The following B4GALT6 variants were observed in gnomAD, a reference collection of about 807,000 sequenced individuals.
B4GALT6 encodes beta-1,4-galactosyltransferase 6.
In B4GALT6, 14 loss-of-function variants were observed where a neutral mutation model predicts 46.3. The ratio of observed to expected loss-of-function variants is 0.30; its 90% CI spans 0.20 to 0.47. The LOEUF (loss-of-function observed/expected upper bound fraction) is 0.47, where lower values mean the gene tolerates loss of function less well. Ranked by LOEUF, B4GALT6 falls within the 20% of genes least tolerant of loss-of-function variation. The pLI is 0.99. For synonymous variants in B4GALT6, 168 were observed against 162.0 expected (o/e 1.04, Z -0.28); for missense variants, 386 against 480.1 (o/e 0.80, Z 1.83).
chr18:31,698,243 T>C, the B4GALT6 span, among the ~76,000 whole-genome samples: 1 of 152,360 alleles, frequency 6.6e-6, no homozygotes, highest in Non-Finnish European at 1.5e-5. Flanking sequence ...CTTTTGACCT[T>C]GTTTTGACCT....
At chr18:31,679,949 C>T (rs980116305) in intron 1 of B4GALT6, among the ~76,000 whole-genome samples, 2 of 152,188 alleles carry the variant, frequency 1.3e-5, no homozygotes, top group African/African-American at 2.4e-5. Context: ...TTGGCCATTG[C>T]CCCCTATAAC....
intron 3 of B4GALT6, among the ~76,000 whole-genome samples, chr18:31,653,007 T>C (rs1437160987): frequency 1.3e-5 from 2 of 151,904 alleles, no homozygotes; most frequent in Non-Finnish European, 2.9e-5. Flanking sequence ...GTGGTGTTTT[T>C]TGTTTATTTT....
the B4GALT6 span, among the ~76,000 whole-genome samples, chr18:31,714,229 T>C: frequency 1.3e-5 from 2 of 152,258 alleles, no homozygotes; most frequent in South Asian, 2.1e-4. Flanking sequence ...GCAACTATAA[T>C]GGACGATACA....
At chr18:31,654,864 T>C (rs1467248585) in intron 3 of B4GALT6, among the ~76,000 whole-genome samples, 1 of 152,230 alleles carries the variant, frequency 6.6e-6, no homozygotes, top group African/African-American at 2.4e-5. Flanking sequence ...TTGTTCTCTA[T>C]TATCAATGAA....
At chr18:31,682,326 G>A (rs1471342789) in intron 1 of B4GALT6, among the ~76,000 whole-genome samples, 1 of 152,138 alleles carries the variant, frequency 6.6e-6, no homozygotes, top group Non-Finnish European at 1.5e-5. Flanking sequence ...ATGGTACAGG[G>A]TTTTGGAAAC....
chr18:31,653,294 C>T (rs1275473178), intron 3 of B4GALT6, among the ~76,000 whole-genome samples: 1 of 152,100 alleles, frequency 6.6e-6, no homozygotes, highest in Admixed American at 6.5e-5. Context: ...TCCGGGAATA[C>T]ACAGAGCCTC....
intron 2 of B4GALT6, among the ~76,000 whole-genome samples, chr18:31,664,147 T>G (rs902568137): frequency 4.5e-5 from 4 of 88,356 alleles, no homozygotes; most frequent in Non-Finnish European, 7.2e-5. Context: ...TCCTTCCTAC[T>G]GACCCAAGTT....
chr18:31,703,714 T>C, the B4GALT6 span, among the ~76,000 whole-genome samples: 1 of 152,236 alleles, frequency 6.6e-6, no homozygotes, highest in Non-Finnish European at 1.5e-5. Flanking sequence ...GCTTTGAGCA[T>C]GTCTGGGGAG....
chr18:31,675,453 C>A (rs754579988), intron 1 of B4GALT6, among the ~76,000 whole-genome samples: 2 of 152,212 alleles, frequency 1.3e-5, no homozygotes, highest in African/African-American at 2.4e-5. Context: ...ATCATTAGTT[C>A]AGCCTACTTT....
chr18:31,652,438 C>T (rs1283755530), intron 3 of B4GALT6, among the ~76,000 whole-genome samples: 1 of 152,118 alleles, frequency 6.6e-6, no homozygotes, highest in African/African-American at 2.4e-5. Context: ...AGACACCACC[C>T]TCTGGCTTCT....
Position 31,631,091 on chromosome 18 carries a change from G to A in B4GALT6, c.644C>T (p.Ala215Val). 1 of 1,614,030 alleles carries A rather than the reference G, an allele frequency of 6.2e-7. No individual in the cohort carries two copies. Among genetic ancestry groups the A allele is most frequent in the Non-Finnish European group, 8.5e-7 (1 of 1,180,014 alleles). Residue 215 changes from alanine to valine, a missense_variant, in exon 6 of 9, where the codon GCC becomes GTC. Physicochemically the swap from Ala to Val is moderately conservative, Grantham distance 64. This residue lies in a region of B4GALT6 where 323 missense variants were observed against 438.9 expected (regional missense o/e 0.74). Coordinates refer to ENST00000306851, the MANE Select transcript of B4GALT6 (RefSeq NM_004775.5). Reference protein sequence around the residue: ...AMLFNVGFKEAMKDSVWDCVI... With the variant: ...AMLFNVGFKEVMKDSVWDCVI... ...ACAGTCCCAGACACTGTCTTTCATG[G>A]CCTCTTTGAAGCCCACATTGAAAAG... is the stretch of plus-strand genomic sequence containing the variant.
chr18:31,712,226 G>T, the B4GALT6 span, among the ~76,000 whole-genome samples: 1 of 147,654 alleles, frequency 6.8e-6, no homozygotes, highest in Non-Finnish European at 1.5e-5. Context: ...TTTCTTTTTT[G>T]CATGAGATGT....
the B4GALT6 span, among the ~76,000 whole-genome samples, chr18:31,700,468 T>TGTGTGTGTGTGAGAGA: frequency 6.7e-6 from 1 of 148,280 alleles, no homozygotes. Context: ...TGTGTGTGTG[T>TGTGTGTGTGTGAGAGA]GAGAGAGAGA....
intron 3 of B4GALT6, among the ~76,000 whole-genome samples, chr18:31,650,252 G>A (rs1176823958): frequency 1.3e-5 from 2 of 152,212 alleles, no homozygotes; most frequent in African/African-American, 2.4e-5. Flanking sequence ...TTAAAATGCA[G>A]CTGACTGGCC....
chr18:31,716,794 A>G, the B4GALT6 span, among the ~76,000 whole-genome samples: 1 of 152,186 alleles, frequency 6.6e-6, no homozygotes, highest in Non-Finnish European at 1.5e-5. Flanking sequence ...GAAAAGATTC[A>G]TTCAACTTTA....
chr18:31,703,216 GA>G, the B4GALT6 span, among the ~76,000 whole-genome samples: 74 of 152,180 alleles, frequency 4.9e-4, no homozygotes, highest in Non-Finnish European at 1.3e-4. Flanking sequence ...AAAAGAGGGG[GA>G]AAAAACAATT....
chr18:31,673,377 G>A (rs2074379517), intron 1 of B4GALT6, among the ~76,000 whole-genome samples: 1 of 152,174 alleles, frequency 6.6e-6, no homozygotes, highest in African/African-American at 2.4e-5. Flanking sequence ...AGAAGGCGTG[G>A]TCTGGAGAGG....
chr18:31,646,021 C>T (rs1282439358), intron 3 of B4GALT6, among the ~76,000 whole-genome samples: 2 of 152,182 alleles, frequency 1.3e-5, no homozygotes, highest in Non-Finnish European at 2.9e-5. Context: ...TGGTTGTATC[C>T]ATTCCAAGAA....
the B4GALT6 span, among the ~76,000 whole-genome samples, chr18:31,722,103 C>T: frequency 1.2e-4 from 18 of 152,250 alleles, no homozygotes; most frequent in Admixed American, 1.1e-3. Context: ...ATGCCCTTTA[C>T]TGAAGTATTT....
Sources: allele counts gnomAD v4.1 joint callset (sites outside exome capture counted in the v4.1 genomes callset), GRCh38; gene constraint gnomAD v4.1.1; regional missense constraint gnomAD v4.1.1; transcripts MANE v1.5; gene names NCBI Gene and HGNC (gene_info 2026-07-23, HGNC 2026-07-21).